The following CATSPER3 variants were observed in gnomAD, a reference collection of about 807,000 sequenced individuals.
CATSPER3 encodes the protein cation channel sperm associated 3, also known as cation channel sperm-associated protein 3.
Under a neutral mutation model 36.6 loss-of-function variants are expected in CATSPER3, and 23 were observed. That is an observed-to-expected ratio of 0.63 (90% CI 0.45 to 0.89). The LOEUF (loss-of-function observed/expected upper bound fraction) is 0.89, where lower values mean the gene tolerates loss of function less well. Among genes scored for constraint, CATSPER3 ranks in the 40% least tolerant of loss-of-function variants. CATSPER3 has a pLI of 0.00. For missense variants in CATSPER3, 474 were observed against 503.9 expected, an observed-to-expected ratio of 0.94 and a Z score of 0.57; for synonymous variants, 172 against 184.1, an observed-to-expected ratio of 0.93 and a Z score of 0.53.
intron 2 of CATSPER3, among the ~76,000 whole-genome samples, chr5:134,989,138 A>C (rs1751849390): frequency 6.6e-6 from 1 of 152,200 alleles, no homozygotes; most frequent in Non-Finnish European, 1.5e-5. Flanking sequence ...AAAATATTCC[A>C]TAAACCATGC....
At chr5:135,010,749 C>T (rs1273914144) in intron 7 of CATSPER3, among the ~76,000 whole-genome samples, 1 of 152,158 alleles carries the variant, frequency 6.6e-6, no homozygotes, top group South Asian at 2.1e-4. Context: ...CCTCCTGCCC[C>T]TCCCCAACCC....
At chr5:134,981,691 A>G (rs1490427989) in intron 2 of CATSPER3, among the ~76,000 whole-genome samples, 1 of 152,236 alleles carries the variant, frequency 6.6e-6, no homozygotes, top group East Asian at 1.9e-4. Context: ...CAAACTTACC[A>G]CGTTGCAATA....
At chr5:134,979,382 T>A (rs904610005) in intron 2 of CATSPER3, among the ~76,000 whole-genome samples, 3 of 152,078 alleles carry the variant, frequency 2.0e-5, no homozygotes, top group African/African-American at 7.2e-5. Flanking sequence ...AGTGATCCAC[T>A]CACCTTGGAT....
chr5:134,981,426 C>T (rs1751749634), intron 2 of CATSPER3, among the ~76,000 whole-genome samples: 1 of 152,044 alleles, frequency 6.6e-6, no homozygotes, highest in Non-Finnish European at 1.5e-5. Flanking sequence ...GCAGAGGTTG[C>T]AGGGAGTTGA....
At chr5:134,997,595 C>A (rs1337002481) in intron 3 of CATSPER3, among the ~76,000 whole-genome samples, 1 of 152,202 alleles carries the variant, frequency 6.6e-6, no homozygotes, top group Non-Finnish European at 1.5e-5. Context: ...CCCTTGGCAT[C>A]CTTGTCACTG....
chr5:135,010,549 C>T lies in CATSPER3; in HGVS notation c.1094+19C>T. ...TCCACAAGTCAGTTCCAGCCCCAGCCTTCCCTGGTCCCTAGGGCTTCCTCG... is the reference window on the plus strand; with the variant it reads ...TCCACAAGTCAGTTCCAGCCCCAGCTTTCCCTGGTCCCTAGGGCTTCCTCG... On this transcript the variant is annotated intron_variant, in intron 7 of 7. Coordinates refer to ENST00000282611, the MANE Select transcript of CATSPER3 (RefSeq NM_178019.3). The T allele has an allele frequency of 6.2e-7, 1 of 1,612,272 alleles. No homozygotes were observed. Among genetic ancestry groups the T allele is most frequent in the African/African-American group, 1.3e-5 (1 of 74,992 alleles).
intron 2 of CATSPER3, among the ~76,000 whole-genome samples, chr5:134,973,572 T>C (rs1751632980): frequency 6.6e-6 from 1 of 152,140 alleles, no homozygotes; most frequent in Non-Finnish European, 1.5e-5. Context: ...TGAACCATGA[T>C]TATCTTGTCA....
chr5:134,991,640 ACAAACT>A (rs1488396198), intron 2 of CATSPER3, among the ~76,000 whole-genome samples: 7 of 152,234 alleles, frequency 4.6e-5, no homozygotes, highest in African/African-American at 7.2e-5. Flanking sequence ...GTGCACAAAA[ACAAACT>A]CAAAATGAAT....
At chr5:134,996,941 C>T (rs1213599289) in intron 3 of CATSPER3, among the ~76,000 whole-genome samples, 1 of 152,252 alleles carries the variant, frequency 6.6e-6, no homozygotes, top group Non-Finnish European at 1.5e-5. Flanking sequence ...TGCTCTCTTG[C>T]TGGAAATAGT....
At chr5:134,992,101 G>A (rs960387000) in intron 2 of CATSPER3, among the ~76,000 whole-genome samples, 2 of 150,244 alleles carry the variant, frequency 1.3e-5, no homozygotes, top group Non-Finnish European at 3.0e-5. Flanking sequence ...CAGCCTGGAT[G>A]ACAGAGCAAG....
At chr5:134,987,648 G>A (rs1411031218) in intron 2 of CATSPER3, among the ~76,000 whole-genome samples, 2 of 152,154 alleles carry the variant, frequency 1.3e-5, no homozygotes, top group Non-Finnish European at 2.9e-5. Context: ...AAGCAAGGGT[G>A]ATTCAAAATA....
intron 1 of CATSPER3, 87 bp downstream of exon 1, chr5:134,968,176 C>T (rs547429698): frequency 2.7e-5 from 25 of 921,078 alleles, no homozygotes; most frequent in Middle Eastern, 4.3e-4. Flanking sequence ...CAGCCTCTTC[C>T]CTCAGATACT....
intron 2 of CATSPER3, among the ~76,000 whole-genome samples, chr5:134,973,699 T>G (rs1751634513): frequency 6.6e-6 from 1 of 152,176 alleles, no homozygotes; most frequent in Admixed American, 6.5e-5. Context: ...ATAAGAAGAA[T>G]AATTGCCATG....
At chr5:134,996,125 G>T in intron 2 of CATSPER3, 148 bp from the exon 3 acceptor site, 2 of 967,700 alleles carry the variant, frequency 2.1e-6, no homozygotes, top group South Asian at 1.3e-5. Context: ...CACACTGAGC[G>T]TGTGCTGTGT....
intron 2 of CATSPER3, among the ~76,000 whole-genome samples, chr5:134,984,528 A>G (rs1751785978): frequency 6.6e-6 from 1 of 152,230 alleles, no homozygotes; most frequent in Non-Finnish European, 1.5e-5. Flanking sequence ...GCTCCATATG[A>G]CACTAATCAG....
rs557141032 is a variant in CATSPER3, at chr5:134,978,869, G to A, written c.252+8777G>A. Among the ~76,000 whole-genome samples the A allele has an allele frequency of 4.6e-5, 7 of 150,754 alleles. No individual in the cohort carries two copies. In the South Asian group the frequency reaches 6.3e-4, roughly 14 times the overall value. ...TGAGTAGCTGGGACTACAGGTGCAC[G>A]GTGCCATGCCCGGCTAATTTATTTT... is the stretch of plus-strand genomic sequence containing the variant. On this transcript the variant is annotated intron_variant, in intron 2 of 7. Transcript: ENST00000282611.
intron 3 of CATSPER3, among the ~76,000 whole-genome samples, chr5:135,007,541 C>T (rs1448532168): frequency 6.6e-6 from 1 of 152,226 alleles, no homozygotes; most frequent in African/African-American, 2.4e-5. Flanking sequence ...TACTCACTCC[C>T]AGAGTCGTTC....
At chr5:135,000,887 A>AT (rs1308614545) in intron 3 of CATSPER3, among the ~76,000 whole-genome samples, 1 of 151,858 alleles carries the variant, frequency 6.6e-6, no homozygotes, top group Non-Finnish European at 1.5e-5. Flanking sequence ...GGATTCATTG[A>AT]TTTTTTTGAA....
Position 135,003,928 on chromosome 5 carries a change from C to T in CATSPER3, c.493-4029C>T, listed in dbSNP as rs548959579. 3.9e-5 allele frequency among the ~76,000 whole-genome samples: 6 copies of T among 152,318 alleles called. No homozygotes were observed. In the East Asian group the frequency reaches 9.6e-4, roughly 24 times the overall value. ...GGTGAGGCGATGCCTCGCCCTGCTT[C>T]GGCTCTCACTCAGTGGGCTCCACCC... On this transcript the variant is annotated intron_variant, in intron 3 of 7. Coordinates refer to ENST00000282611, the MANE Select transcript of CATSPER3 (RefSeq NM_178019.3).
Sources: allele counts gnomAD v4.1 joint callset (sites outside exome capture counted in the v4.1 genomes callset), GRCh38; gene constraint gnomAD v4.1.1; transcripts MANE v1.5; gene names NCBI Gene and HGNC (gene_info 2026-07-23, HGNC 2026-07-21).